The following ADCY9 variants were observed in gnomAD, a reference collection of about 807,000 sequenced individuals.
The protein encoded by ADCY9 is adenylate cyclase type 9.
In ADCY9, 50 loss-of-function variants were observed where a neutral mutation model predicts 101.5. The observed-to-expected ratio is 0.49, with a 90% CI of 0.39 to 0.62. The LOEUF is 0.62. Among genes scored for constraint, ADCY9 ranks in the 20% least tolerant of loss-of-function variants. ADCY9 has a pLI of 0.00. For missense variants in ADCY9, 1,662 were observed against 1,800.4 expected (o/e 0.92, Z 1.39); for synonymous variants, 905 against 769.3 (o/e 1.18, Z -2.92).
chr16:3,998,176 G>C (rs920860733), intron 3 of ADCY9, among the ~76,000 whole-genome samples: 7 of 152,192 alleles, frequency 4.6e-5, no homozygotes, highest in African/African-American at 1.7e-4. Context: ...GGGTGTGGTG[G>C]CTTGCTTGAG....
downstream of ADCY9, among the ~76,000 whole-genome samples, chr16:3,959,315 T>C (rs1026453104): frequency 2.8e-4 from 43 of 151,086 alleles, no homozygotes; most frequent in African/African-American, 4.9e-5. Flanking sequence ...TGAGCTGTGA[T>C]TGAGCCACTG....
chr16:4,057,041 C>A (rs1028957533), intron 2 of ADCY9, among the ~76,000 whole-genome samples: 636 of 47,564 alleles, frequency 0.013, 22 homozygotes, highest in African/African-American at 0.046. Flanking sequence ...TGAAACCGCC[C>A]CCCCCCCCCC....
At chr16:4,091,049 A>G (rs778094235) in intron 2 of ADCY9, among the ~76,000 whole-genome samples, 1 of 151,072 alleles carries the variant, frequency 6.6e-6, no homozygotes, top group Admixed American at 6.6e-5. Flanking sequence ...GGGTCTTCAT[A>G]TAAGTTCCTA....
chr16:3,967,744 C>T (rs189456002), intron 10 of ADCY9, among the ~76,000 whole-genome samples: 2 of 146,586 alleles, frequency 1.4e-5, no homozygotes, highest in Admixed American at 1.4e-4. Context: ...GTTGCCCAGG[C>T]TAGAGTGCAG....
At chr16:3,993,542 C>T (rs2056264172) in intron 3 of ADCY9, 32 bp from the exon 4 acceptor site, 8 of 1,606,750 alleles carry the variant, frequency 5.0e-6, no homozygotes, top group Non-Finnish European at 6.8e-6. Context: ...TGGGGACACA[C>T]CCAGAAACCG....
chr16:3,988,003 G>A (rs2056208495), intron 6 of ADCY9, among the ~76,000 whole-genome samples: 2 of 147,388 alleles, frequency 1.4e-5, no homozygotes, highest in Non-Finnish European at 3.0e-5. Context: ...GGGGCTGGAG[G>A]AGAGAGATGG....
chr16:4,103,555 C>A (rs772285012), intron 2 of ADCY9, among the ~76,000 whole-genome samples: 1 of 152,160 alleles, frequency 6.6e-6, no homozygotes, highest in Non-Finnish European at 1.5e-5. Flanking sequence ...ATGGGCCGGG[C>A]ATAGTGGCTC....
chr16:4,046,540 A>G (rs79634743), intron 2 of ADCY9, among the ~76,000 whole-genome samples: 10,780 of 152,204 alleles, frequency 0.071, 1,270 homozygotes, highest in African/African-American at 0.24. Flanking sequence ...GGCTGGGAGT[A>G]GCTTAGTAGT....
chr16:4,094,856 A>T (rs1314623229), intron 2 of ADCY9, among the ~76,000 whole-genome samples: 1 of 152,172 alleles, frequency 6.6e-6, no homozygotes, highest in Non-Finnish European at 1.5e-5. Context: ...CTCTGAACAA[A>T]GAAAATGGAA....
At chr16:4,015,908 C>T (rs2056435437) in intron 2 of ADCY9, among the ~76,000 whole-genome samples, 1 of 151,160 alleles carries the variant, frequency 6.6e-6, no homozygotes, top group African/African-American at 2.4e-5. Flanking sequence ...GCAGAGGTTG[C>T]AGATAGCCGA....
At chr16:4,056,357 G>A (rs1341802473) in intron 2 of ADCY9, among the ~76,000 whole-genome samples, 1 of 152,178 alleles carries the variant, frequency 6.6e-6, no homozygotes, top group Non-Finnish European at 1.5e-5. Context: ...GGGCTCCAGG[G>A]ATTCTCCTGC....
At chr16:3,955,804 C>T (rs2055903356) in intron 5 of ADCY9, among the ~76,000 whole-genome samples, 1 of 152,026 alleles carries the variant, frequency 6.6e-6, no homozygotes, top group East Asian at 1.9e-4. Flanking sequence ...CTGCCTCAGC[C>T]TCCCAAAGTG....
chr16:3,989,626 C>T (rs565910266), intron 5 of ADCY9, among the ~76,000 whole-genome samples: 5 of 152,194 alleles, frequency 3.3e-5, no homozygotes, highest in African/African-American at 7.2e-5. Context: ...GAGATCCACC[C>T]ATCTCGGCCT....
In ADCY9 at chr16:3,977,468, T is replaced by G; in HGVS notation, c.2828+14A>C. The G allele has an allele frequency of 6.4e-7, 1 of 1,551,988 alleles. No individual in the cohort carries two copies. Among genetic ancestry groups the G allele is most frequent in the Non-Finnish European group, 8.7e-7 (1 of 1,147,634 alleles). On this transcript the variant is annotated intron_variant, in intron 9 of 10. Coordinates refer to ENST00000294016, the MANE Select transcript of ADCY9 (RefSeq NM_001116.4). The stretch of plus-strand genomic sequence containing the variant: ...CACGCACCCTGGTGCCCGCAAGCAG[T>G]GCTGGCCGCGTACCTGTCTGGGCAC...
Position 4,114,696 on chromosome 16 carries a change from C to A in ADCY9, c.747G>T (p.Gly249=), listed in dbSNP as rs1289970054. ...TCTCGAAAAGGACAGAGTAGGCCAC[C>A]CCCAGACACAAACTCAGGTACAAAG... ...HLPLYLSLCL[G]VAYSVLFETF... is the part of the protein sequence containing the mutation. Residue 249 remains glycine (G), a synonymous_variant, in exon 2 of 11, where the codon GGG becomes GGT. Coordinates refer to ENST00000294016, the MANE Select transcript of ADCY9 (RefSeq NM_001116.4). This position sits in a 1 kb window ranked among gnomAD's most constrained non-coding sequence, Gnocchi z 4.3. The A allele has an allele frequency of 1.2e-6, 2 of 1,613,138 alleles. No individual in the cohort carries two copies.
chr16:3,967,696 C>CT (rs35803770), intron 10 of ADCY9, among the ~76,000 whole-genome samples: 72,645 of 129,594 alleles, frequency 0.56, 21,120 homozygotes, highest in Non-Finnish European at 0.64. Flanking sequence ...GGCCTAACAT[C>CT]TTTTTTTTTT....
chr16:3,967,337 TTTTTC>T (rs2056008253), intron 10 of ADCY9, among the ~76,000 whole-genome samples: 2 of 146,196 alleles, frequency 1.4e-5, no homozygotes, highest in African/African-American at 5.0e-5. Context: ...TTTTCTTTTC[TTTTTC>T]TTTTTCTTTT....
At chr16:3,980,029 C>T (rs1165446009) in intron 7 of ADCY9, among the ~76,000 whole-genome samples, 2 of 152,252 alleles carry the variant, frequency 1.3e-5, no homozygotes, top group African/African-American at 4.8e-5. Flanking sequence ...GAACCTGGCT[C>T]GTGGCGCTTA....
chr16:4,074,522 C>T (rs2056854536), intron 2 of ADCY9, among the ~76,000 whole-genome samples: 1 of 148,296 alleles, frequency 6.7e-6, no homozygotes, highest in South Asian at 2.1e-4. Context: ...TAGTGAGGAT[C>T]TGCCTCCGCA....
Sources: allele counts gnomAD v4.1 joint callset (sites outside exome capture counted in the v4.1 genomes callset), GRCh38; gene constraint gnomAD v4.1.1; non-coding constraint Gnocchi (gnomAD v3.1); transcripts MANE v1.5; gene names NCBI Gene and HGNC (gene_info 2026-07-23, HGNC 2026-07-21).